KLHL29: variants seen among roughly 807,000 people sequenced by gnomAD.
The protein encoded by KLHL29 is kelch-like protein 29.
In KLHL29, 21 loss-of-function variants were observed where a neutral mutation model predicts 80.4. The ratio of observed to expected loss-of-function variants is 0.26; its 90% CI spans 0.19 to 0.38. KLHL29 has a LOEUF of 0.38. Among genes scored for constraint, KLHL29 ranks in the 10% least tolerant of loss-of-function variants. The pLI is 1.00. For missense variants in KLHL29, 867 were observed against 1,223.9 expected (o/e 0.71, Z 4.35); for synonymous variants, 511 against 526.8 (o/e 0.97, Z 0.41).
intron 2 of KLHL29, among the ~76,000 whole-genome samples, chr2:23,493,620 G>A: frequency 6.6e-6 from 1 of 151,988 alleles, no homozygotes; most frequent in East Asian, 1.9e-4. Context: ...AAATCTCTGG[G>A]AGCGGGGTGG....
At chr2:23,552,074 C>T (rs1226265844) in intron 2 of KLHL29, among the ~76,000 whole-genome samples, 3 of 152,246 alleles carry the variant, frequency 2.0e-5, no homozygotes, top group African/African-American at 4.8e-5. Flanking sequence ...CCCAGAAGAC[C>T]TCCCCTCTGA....
intron 1 of KLHL29, among the ~76,000 whole-genome samples, chr2:23,404,388 C>T (rs890839286): frequency 7.3e-5 from 11 of 150,588 alleles, no homozygotes; most frequent in South Asian, 2.1e-4. Context: ...TTAGACACGC[C>T]GAAGTGAATT....
chr2:23,604,966 G>T (rs1174728876), intron 3 of KLHL29, among the ~76,000 whole-genome samples: 1 of 152,204 alleles, frequency 6.6e-6, no homozygotes, highest in Non-Finnish European at 1.5e-5. Context: ...AGGAAGGGCT[G>T]TTGGGAGGGT....
At chr2:23,690,373 A>C (rs1671510148) in intron 6 of KLHL29, 1 of 152,170 alleles carries the variant, frequency 6.6e-6, no homozygotes, top group South Asian at 2.1e-4. Context: ...CCAGGCACCC[A>C]GTGCCCCCAG....
chr2:23,507,959 T>C (rs2103459716), intron 2 of KLHL29, among the ~76,000 whole-genome samples: 1 of 152,344 alleles, frequency 6.6e-6, no homozygotes, highest in Non-Finnish European at 1.5e-5. Flanking sequence ...TAGCAGATTT[T>C]AGACACTCAG....
intron 2 of KLHL29, among the ~76,000 whole-genome samples, chr2:23,493,365 A>T (rs1318554815): frequency 6.6e-6 from 1 of 152,188 alleles, no homozygotes; most frequent in Non-Finnish European, 1.5e-5. Context: ...TTTTTTAAAA[A>T]ATCGGCTATT....
rs529759074 is a variant in KLHL29, at chr2:23,669,571, C to T, written c.941-14828C>T. On this transcript the variant is annotated intron_variant, in intron 5 of 13. Transcript: ENST00000486442. This position sits in a 1 kb window ranked among gnomAD's most constrained non-coding sequence, Gnocchi z 4.3. ...CAGGGCCCGGCACACAGTGGGGGCT[C>T]CCTGAGTGCTGGGTACCCCGTGAGC... 98 of 152,308 alleles carry T rather than the reference C, an allele frequency of 6.4e-4. No individual in the cohort carries two copies. Among genetic ancestry groups the T allele is most frequent in the African/African-American group, 2.3e-3 (95 of 41,550 alleles). 9.4% of individuals were successfully genotyped at this position (152,308 alleles called of 1,614,324 possible).
At chr2:23,459,684 G>A (rs1381899719) in intron 1 of KLHL29, among the ~76,000 whole-genome samples, 4 of 152,188 alleles carry the variant, frequency 2.6e-5, no homozygotes, top group African/African-American at 9.7e-5. Flanking sequence ...CTGACTTGTC[G>A]GTGCATGCAC....
chr2:23,661,701 AG>A (rs1670413537), intron 5 of KLHL29, among the ~76,000 whole-genome samples: 1 of 152,278 alleles, frequency 6.6e-6, no homozygotes, highest in Admixed American at 6.5e-5. Context: ...CAAACCCATG[AG>A]CAACCCCCAG....
At position 23,412,128 on chromosome 2, in the gene KLHL29, G is replaced by C. The variant is rs57704138; in HGVS notation, c.-154+26348G>C. 1.3e-3 allele frequency among the ~76,000 whole-genome samples: 190 copies of C among 148,168 alleles called. 6 individuals carry two copies. In the East Asian group the frequency reaches 0.037, roughly 29 times the overall value. On this transcript the variant is annotated intron_variant, in intron 1 of 13. Coordinates refer to ENST00000486442, the MANE Select transcript of KLHL29 (RefSeq NM_052920.2). ...CAAAAATGTGTGTGCGTGAAGGGGG[G>C]GGGGGGGCGGTGCGGTAGAGGTAGG...
intron 3 of KLHL29, among the ~76,000 whole-genome samples, chr2:23,629,033 C>T (rs928809372): frequency 4.6e-5 from 7 of 152,242 alleles, no homozygotes; most frequent in South Asian, 2.1e-4. Flanking sequence ...CTCAGGAGGG[C>T]GCTGCCTTGT....
Position 23,684,320 on chromosome 2 carries a change from A to C in KLHL29, c.941-79A>C. The C allele has an allele frequency of 8.9e-7, 1 of 1,129,090 alleles. No individual in the cohort carries two copies. Among genetic ancestry groups the C allele is most frequent in the Non-Finnish European group, 1.2e-6 (1 of 855,654 alleles). The allele number at this position is 1,129,090 out of a possible 1,614,324, so 69.9% of individuals were successfully genotyped here. A position where few individuals can be genotyped will look rare whatever the true frequency, so the allele number is the denominator to read the frequency against. ...TCCTATTTCTCTACTTCTTGAAAAA[A>C]GAAAAAAAACTTTTTTTAATTAAAA... On this transcript the variant is annotated intron_variant, in intron 5 of 13. Transcript: ENST00000486442. This position sits in a 1 kb window ranked among gnomAD's most constrained non-coding sequence, Gnocchi z 4.4.
intron 2 of KLHL29, chr2:23,524,306 C>T (rs767031353): frequency 1.5e-5 from 3 of 195,136 alleles, no homozygotes; most frequent in Middle Eastern, 2.1e-3. Flanking sequence ...AGCACAGGCG[C>T]CTGCTGGGCC....
At position 23,701,819 on chromosome 2, in the gene KLHL29, T is replaced by C. The variant is rs925824755; in HGVS notation, c.2106-1367T>C. 6.2e-3 allele frequency among the ~76,000 whole-genome samples: 644 copies of C among 103,238 alleles called. 2 individuals carry two copies. Among genetic ancestry groups the C allele is most frequent in the Non-Finnish European group, 8.7e-3 (443 of 51,074 alleles). 67.7% of individuals were successfully genotyped at this position (103,238 alleles called of 152,430 possible). ...TTTTTTTTTTTTTTTTTTTTTTTTT[T>C]CAGACGGAGTTTTGCTCGTTGCCCA... On this transcript the variant is annotated intron_variant, in intron 11 of 13. Transcript: ENST00000486442.
chr2:23,698,641 G>A (rs1205986764), intron 11 of KLHL29, among the ~76,000 whole-genome samples: 1 of 152,190 alleles, frequency 6.6e-6, no homozygotes, highest in East Asian at 1.9e-4. Flanking sequence ...CAGCACAATA[G>A]ACAAACCTGT....
At chr2:23,593,383 C>A (rs1267207435) in intron 3 of KLHL29, among the ~76,000 whole-genome samples, 3 of 152,126 alleles carry the variant, frequency 2.0e-5, no homozygotes, top group African/African-American at 7.2e-5. Flanking sequence ...GGTGGTCATA[C>A]AAGAGGGGTG....
chr2:23,528,499 G>A (rs1446756829), intron 2 of KLHL29, among the ~76,000 whole-genome samples: 1 of 152,274 alleles, frequency 6.6e-6, no homozygotes, highest in South Asian at 2.1e-4. Flanking sequence ...CTTATAAGGT[G>A]GGCTGTACAG....
chr2:23,519,328 C>T (rs564961799), intron 2 of KLHL29, among the ~76,000 whole-genome samples: 15 of 152,030 alleles, frequency 9.9e-5, no homozygotes, highest in Non-Finnish European at 2.1e-4. Context: ...CCCGTCCTCC[C>T]CTCCCCCCCA....
At chr2:23,437,899 G>A (rs1663391055) in intron 1 of KLHL29, among the ~76,000 whole-genome samples, 1 of 152,132 alleles carries the variant, frequency 6.6e-6, no homozygotes, top group African/African-American at 2.4e-5. Context: ...ATTACTTTGG[G>A]CAGTATGGCC....
Sources: allele counts gnomAD v4.1 joint callset (sites outside exome capture counted in the v4.1 genomes callset), GRCh38; gene constraint gnomAD v4.1.1; non-coding constraint Gnocchi (gnomAD v3.1); transcripts MANE v1.5; gene names NCBI Gene and HGNC (gene_info 2026-07-23, HGNC 2026-07-21).